Variants in RAPGEF2 observed in about 807,000 individuals in gnomAD.
RAPGEF2 encodes Rap guanine nucleotide exchange factor 2.
RAPGEF2 carries 54 observed loss-of-function variants against 186.7 expected under a neutral mutation model. The ratio of observed to expected loss-of-function variants is 0.29; its 90% confidence interval spans 0.23 to 0.36. RAPGEF2 has a LOEUF of 0.36. Ranked by LOEUF, RAPGEF2 falls within the 10% of genes least tolerant of loss-of-function variation. RAPGEF2 has a pLI of 1.00. For missense variants in RAPGEF2, 1,532 were observed against 2,045.0 expected, an observed-to-expected ratio of 0.75 and a Z score of 4.84; for synonymous variants, 712 against 705.9, an observed-to-expected ratio of 1.01 and a Z score of -0.14.
At chr4:159,317,670 C>T (rs1764766356) in intron 9 of RAPGEF2, among the ~76,000 whole-genome samples, 1 of 152,144 alleles carries the variant, frequency 6.6e-6, no homozygotes, top group South Asian at 2.1e-4. Flanking sequence ...TTTCCAGTGT[C>T]CAAAATTGCA....
At chr4:159,202,564 C>T (rs1481970263) in intron 3 of RAPGEF2, among the ~76,000 whole-genome samples, 4 of 152,106 alleles carry the variant, frequency 2.6e-5, no homozygotes, top group Non-Finnish European at 5.9e-5. Context: ...TTTCTTTCAA[C>T]TCTCTTTTCT....
At chr4:159,267,010 A>C in intron 7 of RAPGEF2, 1 of 331,130 alleles carries the variant, frequency 3.0e-6, no homozygotes, top group South Asian at 3.2e-5. Context: ...TAATGAGTGA[A>C]ATGGTTAAGT....
intron 7 of RAPGEF2, 43 bp downstream of exon 7, chr4:159,243,834 T>A (rs771742231): frequency 1.6e-6 from 2 of 1,218,646 alleles, no homozygotes; most frequent in South Asian, 1.3e-5. Context: ...AACCTAAGTT[T>A]ACGTGTGAAT....
intron 7 of RAPGEF2, among the ~76,000 whole-genome samples, chr4:159,272,191 A>G (rs576182346): frequency 6.6e-6 from 1 of 152,328 alleles, no homozygotes; most frequent in Non-Finnish European, 1.5e-5. Context: ...CCTTAAGTCC[A>G]TACAGGCCAC....
chr4:159,175,710 T>G (rs554806181), intron 1 of RAPGEF2, among the ~76,000 whole-genome samples: 5 of 152,220 alleles, frequency 3.3e-5, no homozygotes, highest in Non-Finnish European at 7.3e-5. Context: ...TGGTCCAGTC[T>G]GCCACCTTGT....
intron 8 of RAPGEF2, among the ~76,000 whole-genome samples, chr4:159,308,607 G>T (rs1763587032): frequency 1.3e-5 from 2 of 152,148 alleles, no homozygotes; most frequent in South Asian, 2.1e-4. Flanking sequence ...TCACATTGAA[G>T]TGAGAATAAA....
chr4:159,147,428 C>G (rs1743066588), intron 1 of RAPGEF2, among the ~76,000 whole-genome samples: 1 of 151,384 alleles, frequency 6.6e-6, no homozygotes, highest in Non-Finnish European at 1.5e-5. Context: ...AGAGTAATAC[C>G]CAGTTTTCCT....
intron 1 of RAPGEF2, among the ~76,000 whole-genome samples, chr4:159,140,776 C>T (rs1244509667): frequency 2.0e-5 from 3 of 150,872 alleles, no homozygotes; most frequent in Non-Finnish European, 2.9e-5. Flanking sequence ...CATGAAAGAT[C>T]GTATAAGCAA....
At position 159,261,964 on chromosome 4, in the gene RAPGEF2, T is replaced by C. The variant is rs561191546; in HGVS notation, c.543+18173T>C. Among the ~76,000 whole-genome samples the C allele has an allele frequency of 2.0e-5, 3 of 152,344 alleles. No homozygotes were observed. The East Asian group carries it at 5.8e-4, about 29-fold the overall frequency. On this transcript the variant is annotated intron_variant, in intron 7 of 29. Coordinates refer to ENST00000691494, the MANE Select transcript of RAPGEF2 (RefSeq NM_001394067.2). ...AAATTTAAATTTACTGGTTTTAGCCTACTCTTTTTGCCTATCAAATTATTT... is the reference window on the plus strand; with the variant it reads ...AAATTTAAATTTACTGGTTTTAGCCCACTCTTTTTGCCTATCAAATTATTT...
At chr4:159,252,281 C>T (rs1405213530) in intron 7 of RAPGEF2, among the ~76,000 whole-genome samples, 4 of 152,220 alleles carry the variant, frequency 2.6e-5, no homozygotes, top group African/African-American at 7.2e-5. Context: ...AACTCCTGAG[C>T]TCAAGCGATT....
At chr4:159,133,872 C>T (rs1009806733) in intron 1 of RAPGEF2, among the ~76,000 whole-genome samples, 5 of 152,236 alleles carry the variant, frequency 3.3e-5, no homozygotes, top group Admixed American at 2.0e-4. Flanking sequence ...CGTGAGCCAC[C>T]GCGCCTGGCC....
rs1204413286 is a variant in RAPGEF2, at chr4:159,168,721, T to G, written c.70-17921T>G. Among the ~76,000 whole-genome samples, 3 of 152,338 alleles carry G rather than the reference T, an allele frequency of 2.0e-5. No homozygotes were observed. In the East Asian group the frequency reaches 5.8e-4, roughly 29 times the overall value. On this transcript the variant is annotated intron_variant, in intron 1 of 29. Coordinates refer to ENST00000691494, the MANE Select transcript of RAPGEF2 (RefSeq NM_001394067.2). ...GATACATGTAGGATACGGTCACGTT[T>G]CATTATGCGTAGGAGGTACTCAGTA...
In RAPGEF2 at chr4:159,178,551, C is replaced by CTTTTTTT. The variant is rs71589215; in HGVS notation, c.70-8073_70-8067dup. On this transcript the variant is annotated intron_variant, in intron 1 of 29. Transcript: ENST00000691494. ...TTCTTTCCCATTAGCATGTATTATG[C>CTTTTTTT]TTTTTTTTTTTTTTTTTTTTTTTTG... Among the ~76,000 whole-genome samples, 61 of 75,490 alleles carry CTTTTTTT rather than the reference C, an allele frequency of 8.1e-4. 2 individuals carry two copies. The highest frequency in any genetic ancestry group is 1.5e-3 in the African/African-American group (25 of 16,984). The allele number at this position is 75,490 out of a possible 152,430, so 49.5% of individuals were successfully genotyped here. A position where few individuals can be genotyped will look rare whatever the true frequency, so the allele number is the denominator to read the frequency against.
At chr4:159,157,252 C>G (rs1484499411) in intron 1 of RAPGEF2, among the ~76,000 whole-genome samples, 1 of 152,072 alleles carries the variant, frequency 6.6e-6, no homozygotes, top group Non-Finnish European at 1.5e-5. Flanking sequence ...TTGAAAGGAT[C>G]TTAGGTGGTT....
intron 9 of RAPGEF2, among the ~76,000 whole-genome samples, chr4:159,319,218 C>T (rs566836715): frequency 6.6e-6 from 1 of 152,254 alleles, no homozygotes; most frequent in African/African-American, 2.4e-5. Context: ...GGAACTAGGC[C>T]GCACAGCAGG....
chr4:159,314,414 A>T lies in RAPGEF2; in HGVS notation c.676-177A>T, dbSNP rs539737779. The stretch of plus-strand genomic sequence containing the variant: ...TGACCAAAAATTTAATAGGAGGTGG[A>T]ATCACTCATATTTTGTTAAAGTAAT... On this transcript the variant is annotated intron_variant, in intron 8 of 29. Transcript: ENST00000691494. Among the ~76,000 whole-genome samples the T allele has an allele frequency of 2.0e-5, 3 of 152,344 alleles. No individual in the cohort carries two copies. The South Asian group carries it at 6.2e-4, about 32-fold the overall frequency.
Position 159,241,158 on chromosome 4 carries a change from T to C in RAPGEF2, c.358-43T>C, listed in dbSNP as rs1377781972. The C allele has an allele frequency of 5.8e-6, 8 of 1,374,428 alleles. No homozygotes were observed. In the African/African-American group the frequency reaches 7.3e-5, roughly 12 times the overall value. The allele number at this position is 1,374,428 out of a possible 1,614,324, so 85.1% of individuals were successfully genotyped here. A position where few individuals can be genotyped will look rare whatever the true frequency, so the allele number is the denominator to read the frequency against. ...TTCTGTATCTAATATTAATAGGAAATGTTGTGTTTGGAGAAATGAAATTTT... is the reference window on the plus strand; with the variant it reads ...TTCTGTATCTAATATTAATAGGAAACGTTGTGTTTGGAGAAATGAAATTTT... On this transcript the variant is annotated intron_variant, in intron 5 of 29. Coordinates refer to ENST00000691494, the MANE Select transcript of RAPGEF2 (RefSeq NM_001394067.2).
rs774427895 is a variant in RAPGEF2 at position 159,329,914 on chromosome 4, C to T, written c.1206C>T (p.Asn402=). The T allele has an allele frequency of 1.4e-5, 23 of 1,613,108 alleles. No homozygotes were observed. The South Asian group carries it at 2.3e-4, about 16-fold the overall frequency. Residue 402 remains asparagine (N), a synonymous_variant, in exon 12 of 30, where the codon AAC becomes AAT. Coordinates refer to ENST00000691494, the MANE Select transcript of RAPGEF2 (RefSeq NM_001394067.2). ...YCRILNQVEK[N]MQKVEEEGEI... ...GTATTCTCAATCAAGTAGAAAAGAA[C>T]ATGCAAAAAGTTGAAGAGGAAGGAG...
At chr4:159,314,954 C>A (rs2111111271) in intron 9 of RAPGEF2, among the ~76,000 whole-genome samples, 186 bp downstream of exon 9, 1 of 152,076 alleles carries the variant, frequency 6.6e-6, no homozygotes, top group East Asian at 1.9e-4. Flanking sequence ...GTCTTACCTT[C>A]AGGAGTCTAC....
Sources: gnomAD v4.1 joint callset for allele counts (sites outside exome capture counted in the v4.1 genomes callset) on GRCh38, gnomAD v4.1.1 for gene constraint, MANE v1.5 for transcripts, NCBI Gene and HGNC (gene_info 2026-07-23, HGNC 2026-07-21) for gene names.